Variants in BRCA2 observed in about 807,000 individuals in gnomAD.
BRCA2 encodes BRCA2 DNA repair associated, also known as breast cancer type 2 susceptibility protein.
BRCA2 carries 203 observed loss-of-function variants against 276.7 expected under a neutral mutation model. That is an observed-to-expected ratio of 0.73 (90% confidence interval 0.65 to 0.82). BRCA2 has a LOEUF of 0.82. Among genes scored for constraint, BRCA2 ranks in the 40% least tolerant of loss-of-function variants. BRCA2 has a pLI of 0.00. For missense variants in BRCA2, 3,920 were observed against 3,915.0 expected, an observed-to-expected ratio of 1.00 and a Z score of -0.03; for synonymous variants, 1,289 against 1,338.4, an observed-to-expected ratio of 0.96 and a Z score of 0.81.
rs1555281093 is a variant in BRCA2, at chr13:32,326,583, C to T, written c.601C>T (p.Pro201Ser). The T allele has an allele frequency of 2.5e-6, 4 of 1,611,088 alleles. No individual in the cohort carries two copies. The highest frequency in any genetic ancestry group is 3.4e-6 in the Non-Finnish European group (4 of 1,177,246). Residue 201 changes from proline to serine, a missense_variant, in exon 7 of 27, where the codon CCA (proline) becomes TCA (serine). Coordinates refer to ENST00000380152, the MANE Select transcript of BRCA2 (RefSeq NM_000059.4). ...GTCTTGGTCAAGTTCTTTAGCTACA[C>T]CACCCACCCTTAGTTCTACTGTGCT... ...DMSWSSSLAT[P>S]PTLSSTVLIV...
intron 2 of BRCA2, among the ~76,000 whole-genome samples, chr13:32,317,386 A>G (rs1281434458): frequency 1.3e-5 from 2 of 152,202 alleles, no homozygotes; most frequent in Non-Finnish European, 2.9e-5. Flanking sequence ...AGCTGGATTC[A>G]CTTATCTGTG....
chr13:32,357,937 A>G lies in BRCA2; in HGVS notation c.7805+8A>G, dbSNP rs81002847. ...AAAAGAAGAATTTTATAGGTACTCT[A>G]TGCAAAAAGATTGTGTGTTAACTTT... On this transcript the variant is annotated splice_region_variant and intron_variant, in intron 16 of 26. Transcript: ENST00000380152. 9.3e-6 allele frequency: 15 copies of G among 1,611,258 alleles called. No homozygotes were observed. Among genetic ancestry groups the G allele is most frequent in the Admixed American group, 5.0e-5 (3 of 59,992 alleles).
At chr13:32,350,407 T>C (rs1226205187) in intron 13 of BRCA2, among the ~76,000 whole-genome samples, 1 of 152,102 alleles carries the variant, frequency 6.6e-6, no homozygotes, top group East Asian at 1.9e-4. Context: ...ATTTTAAAAA[T>C]TAACTCAAGA....
At chr13:32,325,671 G>T (rs1485835236) in intron 4 of BRCA2, among the ~76,000 whole-genome samples, 1 of 151,602 alleles carries the variant, frequency 6.6e-6, no homozygotes, top group African/African-American at 2.4e-5. Flanking sequence ...CTCCCAAGTA[G>T]CTGGGACTAC....
At chr13:32,390,183 C>T (rs1052112097) in intron 24 of BRCA2, among the ~76,000 whole-genome samples, 8 of 152,172 alleles carry the variant, frequency 5.3e-5, no homozygotes, top group African/African-American at 1.7e-4. Flanking sequence ...TGCCTCCCAG[C>T]TTAAAATCTT....
chr13:32,357,726 T>A lies in BRCA2; in HGVS notation c.7618-16T>A, dbSNP rs397507924. 6.2e-7 allele frequency: 1 copy of A among 1,604,934 alleles called. No individual in the cohort carries two copies. On this transcript the variant is annotated splice_polypyrimidine_tract_variant and intron_variant, in intron 15 of 26. Coordinates refer to ENST00000380152, the MANE Select transcript of BRCA2 (RefSeq NM_000059.4). ...TTAAATTGTTTTTCTTTTTTGTGTGTGTTTATTTTGTGTAGCTGTATACGT... is the reference window on the plus strand; with the variant it reads ...TTAAATTGTTTTTCTTTTTTGTGTGAGTTTATTTTGTGTAGCTGTATACGT...
At chr13:32,353,554 T>C (rs2072666640) in intron 13 of BRCA2, among the ~76,000 whole-genome samples, 1 of 152,324 alleles carries the variant, frequency 6.6e-6, no homozygotes, top group Admixed American at 6.5e-5. Flanking sequence ...TTCCCCTTGC[T>C]CTCCTTGCTC....
At chr13:32,324,784 C>T (rs1457221327) in intron 3 of BRCA2, among the ~76,000 whole-genome samples, 1 of 152,066 alleles carries the variant, frequency 6.6e-6, no homozygotes, top group Non-Finnish European at 1.5e-5. Context: ...ATCACCACAC[C>T]AGCGTTTTCT....
Position 32,338,981 on chromosome 13 carries a change from G to A in BRCA2, c.4626G>A (p.Val1542=), listed in dbSNP as rs772004723. 2 of 1,613,460 alleles carry A rather than the reference G, an allele frequency of 1.2e-6. No individual in the cohort carries two copies. Among genetic ancestry groups the A allele is most frequent in the East Asian group, 4.5e-5 (2 of 44,878 alleles). ...TTGCAAAGGAATCTTTGGACAAAGTGAAAAACCTTTTTGATGAAAAAGAGC... is the reference window on the plus strand; with the variant it reads ...TTGCAAAGGAATCTTTGGACAAAGTAAAAAACCTTTTTGATGAAAAAGAGC... ...VKIAKESLDK[V]KNLFDEKEQG... is the part of the protein sequence containing the mutation. The change falls in exon 11 of 27, where the codon GTG becomes GTA. Residue 1542 remains valine (V), a synonymous_variant. Transcript: ENST00000380152.
intron 21 of BRCA2, among the ~76,000 whole-genome samples, chr13:32,378,833 A>G (rs1451210876): frequency 6.6e-6 from 1 of 152,178 alleles, no homozygotes; most frequent in Non-Finnish European, 1.5e-5. Context: ...ACTATTTCAA[A>G]GTTAATGGAA....
At chr13:32,344,296 T>A (rs1419106726) in intron 11 of BRCA2, among the ~76,000 whole-genome samples, 1 of 152,116 alleles carries the variant, frequency 6.6e-6, no homozygotes, top group Non-Finnish European at 1.5e-5. Flanking sequence ...TCTGGTAGCA[T>A]CTGTTTATCC....
rs757731214 is a variant in BRCA2, at chr13:32,338,885, C to T, written c.4530C>T (p.Pro1510=). The change falls in exon 11 of 27, where the codon CCC becomes CCT. Residue 1510 remains proline, a synonymous_variant. Transcript: ENST00000380152. ...GNQLVTFQGQ[P]ERDEKIKEPT... ...AACTAGTGACCTTCCAGGGACAACC[C>T]GAACGTGATGAAAAGATCAAAGAAC... 1.3e-5 allele frequency: 21 copies of T among 1,613,630 alleles called. No individual in the cohort carries two copies. Among genetic ancestry groups the T allele is most frequent in the Admixed American group, 3.3e-5 (2 of 59,980 alleles).
At chr13:32,327,441 G>T (rs2072358083) in intron 7 of BRCA2, among the ~76,000 whole-genome samples, 1 of 151,598 alleles carries the variant, frequency 6.6e-6, no homozygotes, top group South Asian at 2.1e-4. Flanking sequence ...GGAGGCTGAG[G>T]TGGGAGGATC....
intron 12 of BRCA2, among the ~76,000 whole-genome samples, chr13:32,345,509 C>T (rs1471223323): frequency 2.0e-5 from 3 of 151,916 alleles, no homozygotes; most frequent in African/African-American, 7.2e-5. Context: ...TTTACAATAT[C>T]AGTATTAACT....
At position 32,380,051 on chromosome 13, in the gene BRCA2, C is replaced by G. The variant is rs778426874; in HGVS notation, c.9162C>G (p.Pro3054=). ...ILFQIYQPRE[P]LHFSKFLDPD... is the part of the protein sequence containing the mutation. The stretch of plus-strand genomic sequence containing the variant: ...TTCAGATTTACCAGCCACGGGAGCC[C>G]CTTCACTTCAGCAAATTTTTAGATC... The change falls in exon 24 of 27, where the codon CCC becomes CCG. Residue 3054 remains proline, a synonymous_variant. Coordinates refer to ENST00000380152, the MANE Select transcript of BRCA2 (RefSeq NM_000059.4). 10 of 1,613,922 alleles carry G rather than the reference C, an allele frequency of 6.2e-6. No individual in the cohort carries two copies. The South Asian group carries it at 1.1e-4, about 18-fold the overall frequency.
chr13:32,342,141 C>T (rs1336572134), intron 11 of BRCA2, among the ~76,000 whole-genome samples: 1 of 151,836 alleles, frequency 6.6e-6, no homozygotes, highest in Non-Finnish European at 1.5e-5. Context: ...AGCGTGGTGG[C>T]GCGCACCTAT....
At chr13:32,333,758 T>G (rs1011376010) in intron 10 of BRCA2, among the ~76,000 whole-genome samples, 3 of 152,140 alleles carry the variant, frequency 2.0e-5, no homozygotes, top group Non-Finnish European at 2.9e-5. Flanking sequence ...CCTGGTGCTC[T>G]CCTTCCCCCC....
chr13:32,359,348 A>G (rs1422378733), intron 16 of BRCA2, among the ~76,000 whole-genome samples: 1 of 152,200 alleles, frequency 6.6e-6, no homozygotes, highest in African/African-American at 2.4e-5. Flanking sequence ...ATATAAATAA[A>G]CACTAAAAGT....
At chr13:32,379,722 T>C (rs1213906135) in intron 22 of BRCA2, 28 bp from the exon 23 acceptor site, 1 of 1,598,004 alleles carries the variant, frequency 6.3e-7, no homozygotes. Context: ...CTTCTTCCAT[T>C]GCATCTTTCT....
Sources: gnomAD v4.1 joint callset for allele counts (sites outside exome capture counted in the v4.1 genomes callset) on GRCh38, gnomAD v4.1.1 for gene constraint, MANE v1.5 for transcripts, NCBI Gene and HGNC (gene_info 2026-07-23, HGNC 2026-07-21) for gene names.